Variants in RHPN2 observed in about 807,000 individuals in gnomAD.
RHPN2 encodes rhophilin-2.
RHPN2 carries 40 observed loss-of-function variants against 79.0 expected under a neutral mutation model. That is an observed-to-expected ratio of 0.51 (90% CI 0.39 to 0.66). The LOEUF is 0.66. Among genes scored for constraint, RHPN2 ranks in the 30% least tolerant of loss-of-function variants. The pLI is 0.00. For missense variants in RHPN2, 686 were observed against 883.5 expected, an observed-to-expected ratio of 0.78 and a Z score of 2.83; for synonymous variants, 285 against 363.5, an observed-to-expected ratio of 0.78 and a Z score of 2.46.
At chr19:32,982,038 G>A (rs1446744836) in intron 14 of RHPN2, among the ~76,000 whole-genome samples, 1 of 151,928 alleles carries the variant, frequency 6.6e-6, no homozygotes, top group African/African-American at 2.4e-5. Context: ...GTTTATTGAT[G>A]GTCTACTATG....
At chr19:33,032,222 T>C (rs1054354541) in intron 2 of RHPN2, among the ~76,000 whole-genome samples, 4 of 151,972 alleles carry the variant, frequency 2.6e-5, no homozygotes, top group African/African-American at 9.7e-5. Flanking sequence ...GGTTTCACCA[T>C]GTTGGCCTGG....
At chr19:33,040,295 A>T (rs1972090622) in intron 2 of RHPN2, among the ~76,000 whole-genome samples, 1 of 130,366 alleles carries the variant, frequency 7.7e-6, no homozygotes, top group East Asian at 2.4e-4. Context: ...GGAGTGCAGT[A>T]GCGCGATCTC....
chr19:33,016,886 CAT>C (rs1488217940), intron 4 of RHPN2, among the ~76,000 whole-genome samples: 1 of 152,228 alleles, frequency 6.6e-6, no homozygotes, highest in Non-Finnish European at 1.5e-5. Flanking sequence ...TTCTCATTTT[CAT>C]ATGACTGACA....
intron 1 of RHPN2, among the ~76,000 whole-genome samples, chr19:33,045,926 T>C (rs935445089): frequency 6.6e-6 from 1 of 152,254 alleles, no homozygotes; most frequent in African/African-American, 2.4e-5. Flanking sequence ...CAAGATTATT[T>C]CATATAAACG....
At chr19:33,010,615 C>A (rs1182365796) in intron 6 of RHPN2, among the ~76,000 whole-genome samples, 2 of 151,852 alleles carry the variant, frequency 1.3e-5, no homozygotes, top group Non-Finnish European at 2.9e-5. Flanking sequence ...GAACTCCTGA[C>A]CTCGTGATCT....
Position 32,980,318 on chromosome 19 carries a change from C to T in RHPN2, c.1801-62G>A, listed in dbSNP as rs184047321. 128 of 1,607,154 alleles carry T rather than the reference C, an allele frequency of 8.0e-5. 1 individual carries two copies. The South Asian group carries it at 1.0e-3, about 13-fold the overall frequency. The stretch of plus-strand genomic sequence containing the variant: ...TCATCAAGATAGATGATAAAAACTA[C>T]GAAGTTTGGCCAGGCGCGGTGGCTC... On this transcript the variant is annotated intron_variant, in intron 14 of 14. Transcript: ENST00000254260.
At chr19:33,057,413 G>A (rs1208813561) in intron 1 of RHPN2, among the ~76,000 whole-genome samples, 1 of 152,084 alleles carries the variant, frequency 6.6e-6, no homozygotes, top group East Asian at 1.9e-4. Flanking sequence ...CCTGAGGCTG[G>A]GCATGATGGC....
intron 1 of RHPN2, among the ~76,000 whole-genome samples, chr19:33,048,016 C>T (rs1972155957): frequency 1.3e-5 from 2 of 152,164 alleles, no homozygotes; most frequent in Non-Finnish European, 2.9e-5. Context: ...GCCCCACAAC[C>T]TAATTTTCCC....
At chr19:33,030,643 GCA>G (rs1302350123) in intron 2 of RHPN2, among the ~76,000 whole-genome samples, 1 of 152,106 alleles carries the variant, frequency 6.6e-6, no homozygotes, top group Admixed American at 6.6e-5. Context: ...GTACATGCAT[GCA>G]CACACACAGA....
intron 14 of RHPN2, among the ~76,000 whole-genome samples, chr19:32,989,417 GA>G (rs528525115): frequency 6.3e-4 from 96 of 152,206 alleles, no homozygotes; most frequent in African/African-American, 2.2e-3. Flanking sequence ...CTCACGTGGG[GA>G]AAATTAAAGG....
intron 4 of RHPN2, among the ~76,000 whole-genome samples, chr19:33,018,529 G>A (rs947096684): frequency 2.0e-5 from 3 of 152,132 alleles, no homozygotes; most frequent in East Asian, 1.9e-4. Flanking sequence ...TGCAATTCCC[G>A]AATTGTTTTC....
chr19:33,044,670 A>G (rs544794892), intron 1 of RHPN2, among the ~76,000 whole-genome samples: 138 of 152,298 alleles, frequency 9.1e-4, no homozygotes, highest in African/African-American at 3.2e-3. Context: ...AGGCGGGTGG[A>G]TCACCTGAAG....
chr19:33,017,794 G>A (rs57934453), intron 4 of RHPN2, among the ~76,000 whole-genome samples: 3,696 of 151,894 alleles, frequency 0.024, 140 homozygotes, highest in African/African-American at 0.085. Context: ...GCCGAGGTGG[G>A]CGGATCACCT....
At chr19:33,033,429 G>A (rs1363839765) in intron 2 of RHPN2, among the ~76,000 whole-genome samples, 1 of 152,190 alleles carries the variant, frequency 6.6e-6, no homozygotes. Context: ...ATCTGGGCAT[G>A]GGGGCACACG....
chr19:33,005,412 C>CAA (rs766044835), intron 7 of RHPN2, among the ~76,000 whole-genome samples: 1,017 of 62,322 alleles, frequency 0.016, 29 homozygotes, highest in Non-Finnish European at 0.019. Context: ...GATTCTGTCT[C>CAA]AAAAAAAAAA....
At chr19:33,062,392 A>C (rs915071550) in intron 1 of RHPN2, among the ~76,000 whole-genome samples, 6 of 151,268 alleles carry the variant, frequency 4.0e-5, no homozygotes, top group Admixed American at 1.3e-4. Context: ...AAACTGGTAG[A>C]TGGAGGTTGC....
At chr19:33,059,825 G>A (rs536227428) in intron 1 of RHPN2, among the ~76,000 whole-genome samples, 3 of 152,094 alleles carry the variant, frequency 2.0e-5, no homozygotes, top group Non-Finnish European at 2.9e-5. Context: ...CGCCTTGCTC[G>A]ACTAACAAGA....
At chr19:32,991,711 C>T in intron 13 of RHPN2, 112 bp downstream of exon 13, 6 of 1,183,904 alleles carry the variant, frequency 5.1e-6, no homozygotes, top group Non-Finnish European at 7.5e-6. Context: ...GGGAATGTAG[C>T]ACCCATGAGG....
At chr19:33,060,357 A>T (rs571997280) in intron 1 of RHPN2, among the ~76,000 whole-genome samples, 13 of 152,116 alleles carry the variant, frequency 8.5e-5, no homozygotes, top group Non-Finnish European at 1.6e-4. Context: ...TTCCCTGCCA[A>T]TCACATCAGT....
Sources: gnomAD v4.1 joint callset for allele counts (sites outside exome capture counted in the v4.1 genomes callset) on GRCh38, gnomAD v4.1.1 for gene constraint, MANE v1.5 for transcripts, NCBI Gene and HGNC (gene_info 2026-07-23, HGNC 2026-07-21) for gene names.